GRAMD4: variants seen among roughly 807,000 people sequenced by gnomAD.
GRAMD4 encodes the protein GRAM domain containing 4, also known as GRAM domain-containing protein 4.
Under a neutral mutation model 83.9 loss-of-function variants are expected in GRAMD4, and 25 were observed. That is an observed-to-expected ratio of 0.30 (90% CI 0.22 to 0.42). The LOEUF (loss-of-function observed/expected upper bound fraction) is 0.42, where lower values mean the gene tolerates loss of function less well. Among genes scored for constraint, GRAMD4 ranks in the 10% least tolerant of loss-of-function variants. The pLI, the probability that GRAMD4 is intolerant of heterozygous loss-of-function variation, is 1.00. For synonymous variants in GRAMD4, 336 were observed against 320.9 expected (o/e 1.05, Z -0.50); for missense variants, 593 against 788.7 (o/e 0.75, Z 2.97).
intron 13 of GRAMD4, among the ~76,000 whole-genome samples, chr22:46,671,765 G>A (rs1186100704): frequency 4.7e-5 from 7 of 148,692 alleles, no homozygotes; most frequent in South Asian, 4.3e-4. Context: ...GCTTGAACCC[G>A]GGAGGTTGCA....
intron 14 of GRAMD4, 65 bp from the exon 15 acceptor site, chr22:46,673,605 C>A: frequency 4.5e-6 from 7 of 1,565,424 alleles, no homozygotes; most frequent in Non-Finnish European, 6.1e-6. Context: ...TGTGTGCGGC[C>A]AGCACATCTG....
upstream of GRAMD4, among the ~76,000 whole-genome samples, chr22:46,618,707 A>C (rs2081535241): frequency 6.6e-6 from 1 of 151,480 alleles, no homozygotes; most frequent in Non-Finnish European, 1.5e-5. This position sits in a 1 kb window ranked among gnomAD's most constrained non-coding sequence, Gnocchi z 5.8. Context: ...GGTGGTGGGG[A>C]GAGGGGAGGC....
At chr22:46,676,798 C>T (rs1475986292) in intron 18 of GRAMD4, 130 bp downstream of exon 18, 4 of 831,060 alleles carry the variant, frequency 4.8e-6, no homozygotes, top group Non-Finnish European at 5.8e-6. Context: ...AAAGCCGCCC[C>T]CTCCCTCGCA....
At chr22:46,586,742 G>T (rs2081154148) in intron 1 of GRAMD4, among the ~76,000 whole-genome samples, 1 of 152,244 alleles carries the variant, frequency 6.6e-6, no homozygotes, top group Admixed American at 6.5e-5. Context: ...CTACCTGTCT[G>T]CTGGGGAAAG....
At chr22:46,598,418 C>T (rs573030357) in intron 1 of GRAMD4, among the ~76,000 whole-genome samples, 2 of 152,232 alleles carry the variant, frequency 1.3e-5, no homozygotes, top group Middle Eastern at 6.8e-3. Flanking sequence ...TGGTTATTTG[C>T]ACCTCGGTGT....
At chr22:46,615,699 C>CGT (rs112467255), upstream of GRAMD4, among the ~76,000 whole-genome samples, 723 of 18,714 alleles carry the variant, frequency 0.039, 54 homozygotes, top group Non-Finnish European at 0.057. Context: ...TTCCCCTGTG[C>CGT]GTAGGTTCCC....
rs1367806664 is a variant in GRAMD4, at chr22:46,599,321, G to GT, written c.-50+22033dup. ...TCATAGTTGTGCTTTTAGATACTAA[G>GT]TTGTTTTTTTTTTTGAGACGGAGTC... is the stretch of plus-strand genomic sequence containing the variant. On this transcript the variant is annotated intron_variant, in intron 1 of 1. Transcript: ENST00000431155. 8.8e-3 allele frequency among the ~76,000 whole-genome samples: 1,330 copies of GT among 151,602 alleles called. 23 individuals are homozygous for GT. Among genetic ancestry groups the GT allele is most frequent in the African/African-American group, 0.031 (1,265 of 41,278 alleles).
intron 1 of GRAMD4, among the ~76,000 whole-genome samples, chr22:46,586,532 C>G (rs960593761): frequency 3.3e-5 from 5 of 152,150 alleles, no homozygotes; most frequent in African/African-American, 1.2e-4. Flanking sequence ...CTTAGACACA[C>G]TCCATAGGGT....
rs1169929107 is a variant in GRAMD4 at position 46,626,875 on chromosome 22, A to C, written c.76A>C (p.Asn26His). The C allele has an allele frequency of 8.7e-6, 14 of 1,614,126 alleles. No homozygotes were observed. Among genetic ancestry groups the C allele is most frequent in the Non-Finnish European group, 1.1e-5 (13 of 1,179,950 alleles). Residue 26 changes from asparagine to histidine, a missense_variant, in exon 2 of 19, where the codon AAT (asparagine) becomes CAT (histidine). Coordinates refer to ENST00000406902, the MANE Select transcript of GRAMD4 (RefSeq NM_015124.5). ...CTTCCTCGATCTAGCGGAGTCTCCA[A>C]ATGCCTCGGACACCGAATGCAGCGA... ...DDFLDLAESP[N>H]ASDTECSDEI...
Position 46,672,762 on chromosome 22 carries a change from G to A in GRAMD4, c.1085-81G>A, listed in dbSNP as rs71313064. ...TGGAGGGTGCCAATCTGGGAGGTGG[G>A]AGGTGCCGGAACCATCACCCTGAGT... On this transcript the variant is annotated intron_variant, in intron 13 of 18. Transcript: ENST00000406902. This position sits in a 1 kb window ranked among gnomAD's most constrained non-coding sequence, Gnocchi z 4.7. 2 of 1,109,616 alleles carry A rather than the reference G, an allele frequency of 1.8e-6. No individual in the cohort carries two copies. The highest frequency in any genetic ancestry group is 2.7e-6 in the Non-Finnish European group (2 of 753,730). 68.7% of individuals were successfully genotyped at this position (1,109,616 alleles called of 1,614,324 possible).
chr22:46,648,935 CATGG>C (rs57053112), intron 3 of GRAMD4, among the ~76,000 whole-genome samples: 9,258 of 44,218 alleles, frequency 0.21, 1,305 homozygotes, highest in Non-Finnish European at 0.24. Context: ...TGGATGGATG[CATGG>C]ATGGATGGAT....
Position 46,581,709 on chromosome 22 carries a change from C to T in GRAMD4, c.-50+4419C>T, listed in dbSNP as rs149842582. 2.7e-3 allele frequency among the ~76,000 whole-genome samples: 404 copies of T among 152,332 alleles called. 3 individuals carry two copies. Among genetic ancestry groups the T allele is most frequent in the African/African-American group, 9.4e-3 (390 of 41,574 alleles). The stretch of plus-strand genomic sequence containing the variant: ...AGGTGCTCTTGTTAGCTGCATTTCA[C>T]GCAGGAGGAAGCCCTGGCACAGAGC... On this transcript the variant is annotated intron_variant, in intron 1 of 1. Transcript: ENST00000431155.
chr22:46,674,020 C>T (rs1041486794), intron 15 of GRAMD4, among the ~76,000 whole-genome samples: 8 of 152,150 alleles, frequency 5.3e-5, no homozygotes, highest in Non-Finnish European at 1.0e-4. Flanking sequence ...AGGGCGTGCC[C>T]GTGGGGAGAG....
chr22:46,605,178 C>T (rs1348325289), intron 1 of GRAMD4, among the ~76,000 whole-genome samples: 1 of 151,964 alleles, frequency 6.6e-6, no homozygotes, highest in East Asian at 1.9e-4. Flanking sequence ...ATAATGTTCT[C>T]CGGGTTCACC....
In GRAMD4 at chr22:46,672,994, C is replaced by A; in HGVS notation, c.1236C>A (p.Arg412=). 1 of 1,592,898 alleles carries A rather than the reference C, an allele frequency of 6.3e-7. No homozygotes were observed. Among genetic ancestry groups the A allele is most frequent in the Non-Finnish European group, 8.5e-7 (1 of 1,173,926 alleles). The part of the protein sequence containing the change: ...LKERSSAAVS[R]RLQTTSSRSY... The stretch of plus-strand genomic sequence containing the variant: ...AGCGCTCCAGCGCCGCAGTCTCACG[C>A]AGGGTGAGCCCGGCCCCCAGCTGCG... Residue 412 remains arginine, a synonymous_variant, in exon 14 of 19, where the codon CGC becomes CGA. Coordinates refer to ENST00000406902, the MANE Select transcript of GRAMD4 (RefSeq NM_015124.5). This position sits in a 1 kb window ranked among gnomAD's most constrained non-coding sequence, Gnocchi z 4.7.
intron 1 of GRAMD4, among the ~76,000 whole-genome samples, chr22:46,588,888 GGTGACCCAGCC>G (rs1440030911): frequency 1.3e-5 from 2 of 152,070 alleles, no homozygotes; most frequent in Non-Finnish European, 2.9e-5. Context: ...GCCTGGGGCT[GGTGACCCAGCC>G]TCTGCCAGCG....
intron 1 of GRAMD4, among the ~76,000 whole-genome samples, chr22:46,589,600 G>T (rs2081186606): frequency 1.3e-5 from 2 of 152,098 alleles, no homozygotes; most frequent in South Asian, 4.1e-4. Context: ...CCCCTGCTTT[G>T]CAGGTGAGTA....
chr22:46,620,569 G>A lies in GRAMD4; in HGVS notation c.-50+4G>A. On this transcript the variant is annotated splice_donor_region_variant and intron_variant, in intron 1 of 18. Transcript: ENST00000406902. The surrounding 1 kb of genome is among the most constrained non-coding windows in gnomAD (Gnocchi z 4.7). ...GATGTATCTGAGACAGACGGAGGTA[G>A]GGGGCAGGGGGCAGGGGGCAGGGGG... 3.2e-6 allele frequency: 2 copies of A among 618,370 alleles called. No individual in the cohort carries two copies. The highest frequency in any genetic ancestry group is 2.0e-5 in the African/African-American group (1 of 50,170). 38.3% of individuals were successfully genotyped at this position (618,370 alleles called of 1,614,324 possible).
intron 1 of GRAMD4, among the ~76,000 whole-genome samples, chr22:46,578,929 T>A (rs1430541013): frequency 6.6e-6 from 1 of 152,240 alleles, no homozygotes; most frequent in Non-Finnish European, 1.5e-5. Context: ...AGATGCAGCT[T>A]GGTCCTGGAG....
Sources: gnomAD v4.1 joint callset for allele counts (sites outside exome capture counted in the v4.1 genomes callset) on GRCh38, gnomAD v4.1.1 for gene constraint, Gnocchi (gnomAD v3.1) non-coding constraint, MANE v1.5 for transcripts, NCBI Gene and HGNC (gene_info 2026-07-23, HGNC 2026-07-21) for gene names.